BLOC1S3: variants seen among roughly 807,000 people sequenced by gnomAD.
BLOC1S3 encodes the protein biogenesis of lysosome-related organelles complex 1 subunit 3.
Under a neutral mutation model 9.1 loss-of-function variants are expected in BLOC1S3, and 7 were observed. The observed-to-expected ratio is 0.77, with a 90% CI of 0.44 to 1.45. BLOC1S3 has a LOEUF of 1.45. BLOC1S3 is among the 40% of genes most tolerant of loss of function. The pLI is 0.01. For missense variants in BLOC1S3, 307 were observed against 315.2 expected (o/e 0.97, Z 0.20); for synonymous variants, 145 against 158.4 (o/e 0.92, Z 0.64).
At chr19:45,194,414 A>G (rs1014388487) in intron 2 of BLOC1S3, among the ~76,000 whole-genome samples, 2 of 151,952 alleles carry the variant, frequency 1.3e-5, no homozygotes, top group African/African-American at 4.8e-5. Context: ...CGCCCAGCCA[A>G]TTTCTCAGGT....
chr19:45,198,314 G>A (rs1969664419), intron 2 of BLOC1S3, among the ~76,000 whole-genome samples: 1 of 152,132 alleles, frequency 6.6e-6, no homozygotes. Flanking sequence ...TTTGTTTTCA[G>A]AGTCTTGCTT....
At chr19:45,195,194 C>A (rs1469131554) in intron 2 of BLOC1S3, among the ~76,000 whole-genome samples, 4 of 151,974 alleles carry the variant, frequency 2.6e-5, no homozygotes, top group Non-Finnish European at 5.9e-5. Flanking sequence ...CAGGTGTGAG[C>A]CACCGCGCCT....
At chr19:45,213,451 C>G in intron 3 of BLOC1S3, 1 of 1,497,340 alleles carries the variant, frequency 6.7e-7, no homozygotes, top group South Asian at 1.2e-5. Context: ...CCTCACCTAT[C>G]CCAGAAATTG....
At chr19:45,201,237 C>T (rs887435612) in intron 2 of BLOC1S3, among the ~76,000 whole-genome samples, 3 of 151,776 alleles carry the variant, frequency 2.0e-5, no homozygotes, top group Admixed American at 1.3e-4. Context: ...AGAGGTACTG[C>T]CTCAGTGGTC....
intron 3 of BLOC1S3, among the ~76,000 whole-genome samples, chr19:45,209,482 T>C (rs978711264): frequency 3.3e-5 from 5 of 152,114 alleles, no homozygotes; most frequent in East Asian, 1.9e-4. Flanking sequence ...AGTGCAGTAA[T>C]GCAATCTCGG....
At chr19:45,192,928 G>A (rs2122909466) in intron 2 of BLOC1S3, among the ~76,000 whole-genome samples, 1 of 152,214 alleles carries the variant, frequency 6.6e-6, no homozygotes, top group Admixed American at 6.5e-5. Flanking sequence ...GAGGTCAGGA[G>A]TTCGAGACCA....
rs1280718812 is a variant in BLOC1S3 at position 45,179,541 on chromosome 19, C to T, written c.245C>T (p.Pro82Leu). ...ACGGCCGCGCCGAGGGACCTGCCTC[C>T]ACTCGTGGTGCAGCGGGAATCGGCG... is the stretch of plus-strand genomic sequence containing the variant. ...EPTAAPRDLP[P>L]LVVQRESAEE... Residue 82 changes from proline (P) to leucine (L), a missense_variant, in exon 2 of 2, where the codon CCA (proline) becomes CTA (leucine). Transcript: ENST00000433642. This position sits in a 1 kb window ranked among gnomAD's most constrained non-coding sequence, Gnocchi z 4.6. The T allele has an allele frequency of 2.0e-6, 3 of 1,522,394 alleles. No homozygotes were observed. The highest frequency in any genetic ancestry group is 2.5e-5 in the East Asian group (1 of 39,410). The allele number at this position is 1,522,394 out of a possible 1,614,324, so 94.3% of individuals were successfully genotyped here.
downstream of BLOC1S3, among the ~76,000 whole-genome samples, chr19:45,185,493 T>G (rs1187238905): frequency 6.6e-6 from 1 of 152,038 alleles, no homozygotes; most frequent in Non-Finnish European, 1.5e-5. Context: ...GGGTCAGACA[T>G]GCACCAAAAT....
At chr19:45,201,127 T>C (rs1436102450) in intron 2 of BLOC1S3, among the ~76,000 whole-genome samples, 3 of 148,678 alleles carry the variant, frequency 2.0e-5, no homozygotes, top group Non-Finnish European at 3.0e-5. Flanking sequence ...CACTTGCGCA[T>C]GGGAGGTGGA....
chr19:45,206,041 C>T (rs558168041), intron 3 of BLOC1S3, among the ~76,000 whole-genome samples: 4 of 152,150 alleles, frequency 2.6e-5, no homozygotes, highest in Middle Eastern at 3.4e-3. Flanking sequence ...ACTGAGATAC[C>T]GTCTCTACAA....
At chr19:45,186,105 T>C (rs1969564032), downstream of BLOC1S3, among the ~76,000 whole-genome samples, 1 of 151,574 alleles carries the variant, frequency 6.6e-6, no homozygotes, top group South Asian at 2.1e-4. Flanking sequence ...ACAGCAAGAC[T>C]CTGTCTCAAA....
intron 3 of BLOC1S3, among the ~76,000 whole-genome samples, chr19:45,215,033 A>G (rs945853746): frequency 9.2e-5 from 14 of 151,648 alleles, no homozygotes; most frequent in Admixed American, 7.9e-4. Flanking sequence ...GCACATGCCT[A>G]TACTTGGGAG....
intron 3 of BLOC1S3, among the ~76,000 whole-genome samples, chr19:45,211,256 GGAGGCTGAGGCGGGTA>G (rs1358941626): frequency 2.6e-5 from 4 of 152,142 alleles, no homozygotes; most frequent in African/African-American, 9.7e-5. Flanking sequence ...CAGCACTTTG[GGAGGCTGAGGCGGGTA>G]GATCACTTGA....
At chr19:45,183,835 C>T (rs139873600), downstream of BLOC1S3, among the ~76,000 whole-genome samples, 1,213 of 151,850 alleles carry the variant, frequency 8.0e-3, 15 homozygotes, top group Non-Finnish European at 0.014. Context: ...TGAGGTTTCA[C>T]CATATTGGCC....
intron 3 of BLOC1S3, among the ~76,000 whole-genome samples, chr19:45,205,539 T>C (rs1251689381): frequency 6.6e-6 from 1 of 152,160 alleles, no homozygotes; most frequent in Non-Finnish European, 1.5e-5. Flanking sequence ...ATGCAAAACT[T>C]AACATTTCTA....
At position 45,208,095 on chromosome 19, in the gene BLOC1S3, C is replaced by G. The variant is rs538114299; in HGVS notation, n.282+5588C>G. The stretch of plus-strand genomic sequence containing the variant: ...GTTCAAGCGATTCTTCTGCCTCAGC[C>G]TTCCAAGTAGCTGGGATTATAGGCA... On this transcript the variant is annotated intron_variant and non_coding_transcript_variant, in intron 3 of 3. Coordinates refer to the BLOC1S3 transcript ENST00000591569. Among the ~76,000 whole-genome samples the G allele has an allele frequency of 3.3e-5, 5 of 151,846 alleles. No homozygotes were observed. The South Asian group carries it at 1.0e-3, about 32-fold the overall frequency.
intron 2 of BLOC1S3, among the ~76,000 whole-genome samples, chr19:45,200,534 G>A (rs546588189): frequency 1.6e-4 from 25 of 152,216 alleles, no homozygotes; most frequent in Admixed American, 7.2e-4. Flanking sequence ...TAATTTATCC[G>A]ATAGGATTCT....
At position 45,214,417 on chromosome 19, in the gene BLOC1S3, G is replaced by A. The variant is rs527558169; in HGVS notation, n.283-2259G>A. On this transcript the variant is annotated intron_variant and non_coding_transcript_variant, in intron 3 of 3. Coordinates refer to the BLOC1S3 transcript ENST00000591569. ...CACCACCATCCAGCACTGTCACATGGTGGTGTGGTGTGCTGATCTGGTACA... is the reference window on the plus strand; with the variant it reads ...CACCACCATCCAGCACTGTCACATGATGGTGTGGTGTGCTGATCTGGTACA... 2.6e-5 allele frequency among the ~76,000 whole-genome samples: 4 copies of A among 152,244 alleles called. No homozygotes were observed. The East Asian group carries it at 7.7e-4, about 29-fold the overall frequency.
At chr19:45,192,501 C>T (rs1025546666) in intron 2 of BLOC1S3, among the ~76,000 whole-genome samples, 4 of 152,156 alleles carry the variant, frequency 2.6e-5, no homozygotes, top group East Asian at 1.9e-4. Flanking sequence ...AGCCTCTCCC[C>T]GTAGTCACCA....
Sources: allele counts gnomAD v4.1 joint callset (sites outside exome capture counted in the v4.1 genomes callset), GRCh38; gene constraint gnomAD v4.1.1; non-coding constraint Gnocchi (gnomAD v3.1); transcripts MANE v1.5; gene names NCBI Gene and HGNC (gene_info 2026-07-23, HGNC 2026-07-21).